The following COL19A1 variants were observed in gnomAD, a reference collection of about 807,000 sequenced individuals.
The protein encoded by COL19A1 is collagen type XIX alpha 1 chain, also known as collagen alpha-1(XIX) chain.
In COL19A1, 159 loss-of-function variants were observed where a neutral mutation model predicts 190.2. The observed-to-expected ratio is 0.84, with a 90% confidence interval of 0.73 to 0.95. The LOEUF is 0.95. COL19A1 is among the 40% of genes least tolerant of loss of function. The pLI, the probability that COL19A1 is intolerant of heterozygous loss-of-function variation, is 0.00. For synonymous variants in COL19A1, 509 were observed against 458.9 expected (o/e 1.11, Z -1.39); for missense variants, 1,418 against 1,431.9 (o/e 0.99, Z 0.16).
At chr6:69,958,940 GT>G (rs1774598392) in intron 9 of COL19A1, among the ~76,000 whole-genome samples, 1 of 152,174 alleles carries the variant, frequency 6.6e-6, no homozygotes, top group Non-Finnish European at 1.5e-5. Context: ...TCTAGGGAAT[GT>G]TTAAAAACTG....
intron 4 of COL19A1, among the ~76,000 whole-genome samples, chr6:69,906,593 A>G (rs115957607): frequency 0.013 from 1,942 of 152,296 alleles, 45 homozygotes; most frequent in African/African-American, 0.037. Flanking sequence ...CGTGTGAAAA[A>G]ATAACACAGA....
chr6:70,165,428 G>A (rs1028377714), intron 36 of COL19A1, among the ~76,000 whole-genome samples: 5 of 152,254 alleles, frequency 3.3e-5, no homozygotes, highest in Middle Eastern at 3.4e-3. Context: ...AGATATTAAC[G>A]TAGGAAATGG....
At chr6:70,117,942 C>A (rs1279523617) in intron 16 of COL19A1, among the ~76,000 whole-genome samples, 1 of 152,230 alleles carries the variant, frequency 6.6e-6, no homozygotes, top group Non-Finnish European at 1.5e-5. Flanking sequence ...GGCTGACATG[C>A]CCTCTGCAGT....
Position 70,132,443 on chromosome 6 carries a change from A to T in COL19A1, c.1383+2220A>T, listed in dbSNP as rs546054106. Among the ~76,000 whole-genome samples, 136 of 152,292 alleles carry T rather than the reference A, an allele frequency of 8.9e-4. 3 individuals are homozygous for T. Among genetic ancestry groups the T allele is most frequent in the Admixed American group, 8.7e-3 (133 of 15,298 alleles). On this transcript the variant is annotated intron_variant, in intron 18 of 50. Coordinates refer to ENST00000620364, the MANE Select transcript of COL19A1 (RefSeq NM_001858.6). ...AAACATGAGCATAGCAGTTGCTGGA[A>T]GGGTGAAATCAACTCTACCTATGTA...
chr6:70,133,593 C>T (rs1439211509), intron 18 of COL19A1, among the ~76,000 whole-genome samples: 1 of 152,156 alleles, frequency 6.6e-6, no homozygotes, highest in African/African-American at 2.4e-5. Context: ...AATATCTTAG[C>T]CCTCCTGAGA....
intron 11 of COL19A1, among the ~76,000 whole-genome samples, chr6:70,010,125 A>C (rs952858863): frequency 1.3e-5 from 2 of 152,208 alleles, no homozygotes; most frequent in African/African-American, 4.8e-5. Context: ...CAGGAGAATA[A>C]AAAGACAAAG....
In COL19A1 at chr6:70,124,800, C is replaced by T. The variant is rs139997496; in HGVS notation, c.1341+2858C>T. 4.6e-3 allele frequency among the ~76,000 whole-genome samples: 695 copies of T among 152,252 alleles called. 10 individuals are homozygous for T. Among genetic ancestry groups the T allele is most frequent in the African/African-American group, 0.016 (658 of 41,548 alleles). On this transcript the variant is annotated intron_variant, in intron 17 of 50. Coordinates refer to ENST00000620364, the MANE Select transcript of COL19A1 (RefSeq NM_001858.6). Reference sequence around the variant, plus strand: ...GTTATCCCAAATGATGCACTATAACCATTTAGCATTAGAGGCTTTAGATCC... The same window carrying T: ...GTTATCCCAAATGATGCACTATAACTATTTAGCATTAGAGGCTTTAGATCC...
chr6:69,989,213 A>G (rs1776471049), intron 11 of COL19A1, among the ~76,000 whole-genome samples: 2 of 152,240 alleles, frequency 1.3e-5, no homozygotes, highest in South Asian at 2.1e-4. Flanking sequence ...AAAAAGTACA[A>G]TGCCGGGGTT....
intron 14 of COL19A1, among the ~76,000 whole-genome samples, chr6:70,062,595 A>T (rs1780904714): frequency 6.6e-6 from 1 of 152,136 alleles, no homozygotes; most frequent in Non-Finnish European, 1.5e-5. Flanking sequence ...TAACCAGCTA[A>T]CATCATAATG....
intron 9 of COL19A1, among the ~76,000 whole-genome samples, chr6:69,957,384 T>C (rs77009635): frequency 0.017 from 2,604 of 152,256 alleles, 84 homozygotes; most frequent in African/African-American, 0.058. Flanking sequence ...TTGATTGTCC[T>C]GTGAAGTTAA....
At chr6:70,097,265 G>A (rs1446490053) in intron 15 of COL19A1, among the ~76,000 whole-genome samples, 1 of 152,050 alleles carries the variant, frequency 6.6e-6, no homozygotes, top group African/African-American at 2.4e-5. Flanking sequence ...ATCCATGCTG[G>A]TCTTGAACTC....
chr6:70,161,950 C>T lies in COL19A1; in HGVS notation c.2343C>T (p.Pro781=). 1 of 1,598,694 alleles carries T rather than the reference C, an allele frequency of 6.3e-7. No homozygotes were observed. Among genetic ancestry groups the T allele is most frequent in the South Asian group, 1.1e-5 (1 of 88,538 alleles). ...CAGGTGCTCCAGGCCCGACTGGACC[C>T]CCTGTAAGTATTTGTTAAAACGATT... is the stretch of plus-strand genomic sequence containing the variant. ...GIPGAPGPTG[P]PGLMGRTGHP... is the part of the protein sequence containing the mutation. The change falls in exon 35 of 51, where the codon CCC becomes CCT. Residue 781 remains proline (P), a synonymous_variant. Transcript: ENST00000620364.
chr6:70,171,458 T>C (rs1765496236), intron 40 of COL19A1, among the ~76,000 whole-genome samples: 1 of 152,216 alleles, frequency 6.6e-6, no homozygotes, highest in South Asian at 2.1e-4. Context: ...TTTAGTGTTA[T>C]TGGAGATAAT....
rs189410755 is a variant in COL19A1 at position 69,921,647 on chromosome 6, T to A, written c.267-6262T>A. 1.1e-3 allele frequency among the ~76,000 whole-genome samples: 153 copies of A among 134,142 alleles called. 1 individual carries two copies. Among genetic ancestry groups the A allele is most frequent in the Middle Eastern group, 4.5e-3 (1 of 224 alleles). The allele number at this position is 134,142 out of a possible 152,430, so 88.0% of individuals were successfully genotyped here. A position where few individuals can be genotyped will look rare whatever the true frequency, so the allele number is the denominator to read the frequency against. ...ATATAGATTCGTATATATTCGTATA[T>A]AGATTCGTATATATTCGTATGTAGA... On this transcript the variant is annotated intron_variant, in intron 4 of 50. Coordinates refer to ENST00000620364, the MANE Select transcript of COL19A1 (RefSeq NM_001858.6).
chr6:70,073,031 A>G (rs1781654206), intron 15 of COL19A1, among the ~76,000 whole-genome samples: 1 of 151,120 alleles, frequency 6.6e-6, no homozygotes, highest in Admixed American at 6.6e-5. Context: ...CTTGTTGCCC[A>G]GGCTGCAGTG....
chr6:70,064,410 G>A (rs1326169886), intron 14 of COL19A1, among the ~76,000 whole-genome samples: 8 of 151,928 alleles, frequency 5.3e-5, no homozygotes, highest in Admixed American at 1.3e-4. Flanking sequence ...AAATTCAACA[G>A]CCCTTCATGC....
chr6:69,970,423 T>C lies in COL19A1; in HGVS notation c.1026+7553T>C, dbSNP rs115449528. Among the ~76,000 whole-genome samples the C allele has an allele frequency of 3.4e-3, 523 of 152,302 alleles. 3 individuals are homozygous for C. The highest frequency in any genetic ancestry group is 0.012 in the African/African-American group (504 of 41,564). On this transcript the variant is annotated intron_variant, in intron 11 of 50. Transcript: ENST00000620364. Reference sequence around the variant, plus strand: ...AAAGAAACACAATATATCAAATAATTAAACCAAGGAATGGTTTTGTACTTT... The same window carrying C: ...AAAGAAACACAATATATCAAATAATCAAACCAAGGAATGGTTTTGTACTTT...
chr6:70,163,358 A>G lies in COL19A1; in HGVS notation c.2362A>G (p.Thr788Ala). The change falls in exon 36 of 51, where the codon ACT (threonine) becomes GCT (alanine). Residue 788 changes from threonine to alanine, a missense_variant. Transcript: ENST00000620364. ...PTGPPGLMGR[T>A]GHPGPTGAKG... is the part of the protein sequence containing the mutation. ...TGTTTTACAGGGCTTAATGGGAAGA[A>G]CTGGACATCCTGGTCCCACAGGAGC... The G allele has an allele frequency of 6.2e-7, 1 of 1,612,588 alleles. No individual in the cohort carries two copies. Among genetic ancestry groups the G allele is most frequent in the Non-Finnish European group, 8.5e-7 (1 of 1,179,170 alleles).
At chr6:70,064,993 G>T (rs1199878825) in intron 14 of COL19A1, among the ~76,000 whole-genome samples, 3 of 152,196 alleles carry the variant, frequency 2.0e-5, no homozygotes, top group African/African-American at 7.2e-5. Flanking sequence ...CAATGCTCAT[G>T]GAGAGGAAGA....
Sources: gnomAD v4.1 joint callset for allele counts (sites outside exome capture counted in the v4.1 genomes callset) on GRCh38, gnomAD v4.1.1 for gene constraint, MANE v1.5 for transcripts, NCBI Gene and HGNC (gene_info 2026-07-23, HGNC 2026-07-21) for gene names.